Variants in GRID2 observed in about 807,000 individuals in gnomAD.
GRID2 encodes glutamate ionotropic receptor delta type subunit 2.
In GRID2, 33 loss-of-function variants were observed where a neutral mutation model predicts 114.8. The ratio of observed to expected loss-of-function variants is 0.29; its 90% CI spans 0.22 to 0.38. The LOEUF (loss-of-function observed/expected upper bound fraction) is 0.38. Ranked by LOEUF, GRID2 falls within the 10% of genes least tolerant of loss-of-function variation. The pLI, the probability that GRID2 is intolerant of heterozygous loss-of-function variation, is 1.00. For synonymous variants in GRID2, 505 were observed against 449.9 expected (o/e 1.12, Z -1.55); for missense variants, 1,184 against 1,257.7 (o/e 0.94, Z 0.89).
chr4:92,842,561 C>T (rs1220454590), intron 2 of GRID2, among the ~76,000 whole-genome samples: 1 of 152,120 alleles, frequency 6.6e-6, no homozygotes, highest in African/African-American at 2.4e-5. Context: ...TTCACAACAA[C>T]CACTCAGTAA....
At chr4:93,560,073 T>G (rs891602237) in intron 13 of GRID2, among the ~76,000 whole-genome samples, 11 of 151,484 alleles carry the variant, frequency 7.3e-5, no homozygotes, top group African/African-American at 2.7e-4. Context: ...CACTGGGGCC[T>G]GTCAGAAGGT....
At chr4:93,727,257 T>G (rs547053612) in intron 14 of GRID2, among the ~76,000 whole-genome samples, 2 of 152,322 alleles carry the variant, frequency 1.3e-5, no homozygotes, top group Admixed American at 6.5e-5. Flanking sequence ...GTGGTTTTTG[T>G]TTTTGGTTCT....
rs547957155 is a variant in GRID2, at chr4:92,305,755, A to G, written c.88+1011A>G. The stretch of plus-strand genomic sequence containing the variant: ...ACAGCGCTCGCAGCTTCAGGCTCCA[A>G]CTCTACTCACTTGCTAATCCGTGAG... On this transcript the variant is annotated intron_variant, in intron 1 of 15. Transcript: ENST00000282020. 3.2e-3 allele frequency among the ~76,000 whole-genome samples: 481 copies of G among 152,108 alleles called. 4 individuals carry two copies. Among genetic ancestry groups the G allele is most frequent in the African/African-American group, 0.011 (444 of 41,506 alleles).
intron 14 of GRID2, among the ~76,000 whole-genome samples, chr4:93,693,337 G>A (rs1363885312): frequency 1.3e-5 from 2 of 152,082 alleles, no homozygotes; most frequent in African/African-American, 2.4e-5. Flanking sequence ...CTGCTTCGCC[G>A]TACTAGAAAC....
chr4:92,848,583 C>T (rs1235467171), intron 2 of GRID2, among the ~76,000 whole-genome samples: 2 of 151,794 alleles, frequency 1.3e-5, no homozygotes, highest in Admixed American at 1.3e-4. Context: ...TTGGAGTGGC[C>T]TTTGATTGTT....
chr4:93,412,874 G>A (rs1767343713), intron 9 of GRID2, among the ~76,000 whole-genome samples: 1 of 152,106 alleles, frequency 6.6e-6, no homozygotes, highest in Admixed American at 6.6e-5. Flanking sequence ...TTGTTAGTTT[G>A]CTGAGAATGA....
At chr4:92,893,873 C>G (rs1382289325) in intron 2 of GRID2, among the ~76,000 whole-genome samples, 1 of 152,114 alleles carries the variant, frequency 6.6e-6, no homozygotes, top group Non-Finnish European at 1.5e-5. Flanking sequence ...ATTTTGGAAT[C>G]TTAAATTTCC....
At chr4:92,748,988 C>T (rs1228892585) in intron 2 of GRID2, among the ~76,000 whole-genome samples, 2 of 151,008 alleles carry the variant, frequency 1.3e-5, no homozygotes, top group Non-Finnish European at 3.0e-5. Flanking sequence ...TGTACCATTT[C>T]TATTTATTTA....
Position 92,952,537 on chromosome 4 carries a change from T to C in GRID2, c.245-132458T>C, listed in dbSNP as rs146314550. 4.8e-4 allele frequency among the ~76,000 whole-genome samples: 73 copies of C among 152,362 alleles called. No individual in the cohort carries two copies. The East Asian group carries it at 0.012, about 25-fold the overall frequency. ...GTTTTTTAAATCTCATTTCTGTTTC[T>C]ACACAAAAGGTTCATAGTCTAGTAC... On this transcript the variant is annotated intron_variant, in intron 2 of 15. Transcript: ENST00000282020.
At chr4:93,600,820 C>T (rs977440149) in intron 13 of GRID2, among the ~76,000 whole-genome samples, 1 of 152,100 alleles carries the variant, frequency 6.6e-6, no homozygotes, top group Non-Finnish European at 1.5e-5. Flanking sequence ...TCTACTCAGA[C>T]CTCAATACTG....
At chr4:93,107,401 G>A (rs1233275556) in intron 3 of GRID2, among the ~76,000 whole-genome samples, 1 of 152,276 alleles carries the variant, frequency 6.6e-6, no homozygotes, top group East Asian at 1.9e-4. Flanking sequence ...GGATTCCAGT[G>A]TTAGGAAACA....
At chr4:93,210,297 C>T (rs1743304550) in intron 5 of GRID2, among the ~76,000 whole-genome samples, 2 of 152,118 alleles carry the variant, frequency 1.3e-5, no homozygotes, top group South Asian at 2.1e-4. Flanking sequence ...CAATCTTCTG[C>T]ATATGGCTTG....
chr4:93,800,371 A>G (rs1316804281), intron 1 of GRID2, among the ~76,000 whole-genome samples: 1 of 152,210 alleles, frequency 6.6e-6, no homozygotes, highest in African/African-American at 2.4e-5. Flanking sequence ...AAGTGTTGCA[A>G]TGTCTGACAC....
Position 92,921,484 on chromosome 4 carries a change from A to G in GRID2, c.245-163511A>G, listed in dbSNP as rs549805156. On this transcript the variant is annotated intron_variant, in intron 2 of 15. Transcript: ENST00000282020. Reference sequence around the variant, plus strand: ...TTTCCTCATCTTTGTGGTTTTATCTACCTTTGGTCTTTGATCATGGTGACA... The same window carrying G: ...TTTCCTCATCTTTGTGGTTTTATCTGCCTTTGGTCTTTGATCATGGTGACA... Among the ~76,000 whole-genome samples, 9 of 151,986 alleles carry G rather than the reference A, an allele frequency of 5.9e-5. No individual in the cohort carries two copies. The South Asian group carries it at 1.9e-3, about 32-fold the overall frequency.
chr4:93,179,725 C>T (rs1739704016), intron 4 of GRID2, among the ~76,000 whole-genome samples: 1 of 152,102 alleles, frequency 6.6e-6, no homozygotes, highest in African/African-American at 2.4e-5. Flanking sequence ...GGAAGAATTA[C>T]ATAATAACGT....
intron 1 of GRID2, among the ~76,000 whole-genome samples, chr4:93,784,340 TG>T (rs1561002696): frequency 6.6e-6 from 1 of 152,130 alleles, no homozygotes; most frequent in Non-Finnish European, 1.5e-5. Context: ...GGTATTTCTA[TG>T]GCCCACTAAT....
At chr4:93,125,710 A>C (rs1405454180) in intron 4 of GRID2, among the ~76,000 whole-genome samples, 1 of 152,194 alleles carries the variant, frequency 6.6e-6, no homozygotes, top group Non-Finnish European at 1.5e-5. Flanking sequence ...TGTAAGAAGT[A>C]GGTGAACACT....
At chr4:92,637,447 T>G (rs1352834826) in intron 2 of GRID2, among the ~76,000 whole-genome samples, 1 of 152,054 alleles carries the variant, frequency 6.6e-6, no homozygotes, top group Admixed American at 6.6e-5. Context: ...TAAGTTAACT[T>G]TTTAAATTAA....
At chr4:93,781,373 C>T (rs1001174013) in intron 1 of GRID2, among the ~76,000 whole-genome samples, 4 of 147,914 alleles carry the variant, frequency 2.7e-5, no homozygotes, top group African/African-American at 1.0e-4. Flanking sequence ...TGCGGTGAGA[C>T]CTGCTGGGCT....
Sources: allele counts gnomAD v4.1 joint callset (sites outside exome capture counted in the v4.1 genomes callset), GRCh38; gene constraint gnomAD v4.1.1; transcripts MANE v1.5; gene names NCBI Gene and HGNC (gene_info 2026-07-23, HGNC 2026-07-21).